The following PCDHGA8 variants were observed in gnomAD, a reference collection of about 807,000 sequenced individuals.
The protein encoded by PCDHGA8 is protocadherin gamma-A8.
In PCDHGA8, 45 loss-of-function variants were observed where a neutral mutation model predicts 59.2. That is an observed-to-expected ratio of 0.76 (90% CI 0.60 to 0.98). The LOEUF (loss-of-function observed/expected upper bound fraction) is 0.98. Among genes scored for constraint, PCDHGA8 ranks in the 50% least tolerant of loss-of-function variants. The pLI, the probability that PCDHGA8 is intolerant of heterozygous loss-of-function variation, is 0.00. For synonymous variants in PCDHGA8, 531 were observed against 519.0 expected, an observed-to-expected ratio of 1.02 and a Z score of -0.32; for missense variants, 1,257 against 1,196.2, an observed-to-expected ratio of 1.05 and a Z score of -0.75.
intron 1 of PCDHGA8, among the ~76,000 whole-genome samples, chr5:141,464,885 G>T (rs1592925315): frequency 6.6e-6 from 1 of 152,020 alleles, no homozygotes; most frequent in East Asian, 1.9e-4. Flanking sequence ...ACTACAGATG[G>T]ATGCCACCAT....
intron 1 of PCDHGA8, chr5:141,418,939 C>G: frequency 6.2e-7 from 1 of 1,613,760 alleles, no homozygotes; most frequent in Non-Finnish European, 8.5e-7. Context: ...TGGAGGATTC[C>G]CCTCCAGGAG....
At chr5:141,427,883 C>T (rs2097084423) in intron 1 of PCDHGA8, 2 of 1,563,700 alleles carry the variant, frequency 1.3e-6, no homozygotes, top group African/African-American at 1.3e-5. Context: ...TGCAGGCCCA[C>T]GACCAGGGCT....
rs759346998 is a variant in PCDHGA8 at position 141,410,849 on chromosome 5, C to CTTTTTTTTTTTTT, written c.2424+15622_2424+15634dup. 1.9e-3 allele frequency: 267 copies of CTTTTTTTTTTTTT among 138,158 alleles called. 27 individuals carry two copies. The highest frequency in any genetic ancestry group is 5.5e-3 in the African/African-American group (91 of 16,622). 8.6% of individuals were successfully genotyped at this position (138,158 alleles called of 1,614,324 possible). A position where few individuals can be genotyped will look rare whatever the true frequency, so the allele number is the denominator to read the frequency against. ...CAGACTGAAGATATTTTGTCTTTGT[C>CTTTTTTTTTTTTT]TTTTTTTTTTTTTTTTTTTTTTGAG... On this transcript the variant is annotated intron_variant, in intron 1 of 3. Coordinates refer to ENST00000398604, the MANE Select transcript of PCDHGA8 (RefSeq NM_032088.2).
chr5:141,478,049 A>G, intron 1 of PCDHGA8: 2 of 1,614,056 alleles, frequency 1.2e-6, no homozygotes, highest in Middle Eastern at 3.3e-4. Flanking sequence ...GCAGACTCTC[A>G]CGGTCTTGAT....
At chr5:141,420,725 C>T (rs1468308275) in intron 1 of PCDHGA8, among the ~76,000 whole-genome samples, 1 of 152,188 alleles carries the variant, frequency 6.6e-6, no homozygotes, top group African/African-American at 2.4e-5. Flanking sequence ...TCCTTTCAGT[C>T]GGTTAAAATC....
At position 141,408,901 on chromosome 5, in the gene PCDHGA8, G is replaced by A. The variant is rs529239605; in HGVS notation, c.2424+13664G>A. On this transcript the variant is annotated intron_variant, in intron 1 of 3. Transcript: ENST00000398604. ...CCGCTCACATAGAAATTTCTGTCAA[G>A]GATACCAATGATAACCCCCCGGTTT... 269 of 1,613,216 alleles carry A rather than the reference G, an allele frequency of 1.7e-4. 6 individuals carry two copies. The South Asian group carries it at 2.8e-3, about 17-fold the overall frequency.
intron 1 of PCDHGA8, among the ~76,000 whole-genome samples, chr5:141,448,007 AC>A (rs1430481139): frequency 1.3e-5 from 2 of 151,784 alleles, no homozygotes; most frequent in Non-Finnish European, 2.9e-5. Context: ...AATCGCTTGA[AC>A]CCAGGAGGTG....
intron 3 of PCDHGA8, among the ~76,000 whole-genome samples, chr5:141,509,574 G>T (rs554778751): frequency 6.6e-6 from 1 of 152,300 alleles, no homozygotes; most frequent in South Asian, 2.1e-4. Context: ...TTCACAGTGC[G>T]TACAAATCAG....
At chr5:141,433,995 C>G (rs995723859) in intron 1 of PCDHGA8, among the ~76,000 whole-genome samples, 1 of 152,028 alleles carries the variant, frequency 6.6e-6, no homozygotes, top group Non-Finnish European at 1.5e-5. Context: ...GTTTTATATT[C>G]TCTATATATG....
At chr5:141,469,893 A>G (rs2099214569) in intron 1 of PCDHGA8, among the ~76,000 whole-genome samples, 1 of 152,200 alleles carries the variant, frequency 6.6e-6, no homozygotes, top group South Asian at 2.1e-4. Context: ...CACTTTGGGA[A>G]GCCGAGGCAG....
In PCDHGA8 at chr5:141,394,435, C is replaced by T; in HGVS notation, c.1622C>T (p.Pro541Leu). The change falls in exon 1 of 4, where the codon CCC (proline) becomes CTC (leucine). Residue 541 changes from proline (P) to leucine (L), a missense_variant. Coordinates refer to ENST00000398604, the MANE Select transcript of PCDHGA8 (RefSeq NM_032088.2). ...LVTASDSGDP[P>L]LSSNMSLSLF... ...ACAGCCAGCGACAGCGGGGACCCGC[C>T]CCTCAGCAGCAACATGTCACTGAGC... 6.2e-7 allele frequency: 1 copy of T among 1,614,246 alleles called. No homozygotes were observed. Among genetic ancestry groups the T allele is most frequent in the Non-Finnish European group, 8.5e-7 (1 of 1,180,052 alleles).
Position 141,493,022 on chromosome 5 carries a change from G to T in PCDHGA8, c.2425-1785G>T, listed in dbSNP as rs1184742888. ...GCTATAGGCTCTGCCAGATGCCAGG[G>T]TGCCCTTATGTGTGAGGAAACTACA... On this transcript the variant is annotated intron_variant, in intron 1 of 3. Transcript: ENST00000398604. The surrounding 1 kb of genome is among the most constrained non-coding windows in gnomAD (Gnocchi z 4.3). Among the ~76,000 whole-genome samples the T allele has an allele frequency of 1.3e-5, 2 of 152,222 alleles. No individual in the cohort carries two copies. Among genetic ancestry groups the T allele is most frequent in the Admixed American group, 1.3e-4 (2 of 15,282 alleles).
chr5:141,393,475 C>G lies in PCDHGA8; in HGVS notation c.662C>G (p.Pro221Arg), dbSNP rs200282311. The G allele has an allele frequency of 1.2e-3, 1,881 of 1,614,046 alleles. 9 individuals are homozygous for G. Among genetic ancestry groups the G allele is most frequent in the South Asian group, 3.4e-3 (312 of 91,088 alleles). Residue 221 changes from proline to arginine, a missense_variant, in exon 1 of 4, where the codon CCT (proline) becomes CGT (arginine). Coordinates refer to ENST00000398604, the MANE Select transcript of PCDHGA8 (RefSeq NM_032088.2). ...ACGGCCTCGGATGGCGGCAAGCCGC[C>G]TCGCTCTAGCACAGTGCGCATCCAC... is the stretch of plus-strand genomic sequence containing the variant. Reference protein sequence around the residue: ...VLTASDGGKPPRSSTVRIHVT... With the variant: ...VLTASDGGKPRRSSTVRIHVT...
At chr5:141,420,412 T>A in intron 1 of PCDHGA8, 1 of 1,225,004 alleles carries the variant, frequency 8.2e-7, no homozygotes, top group Non-Finnish European at 1.1e-6. Flanking sequence ...TGGTTATCAT[T>A]ATTAAAACAA....
chr5:141,417,111 G>A (rs1014827063), intron 1 of PCDHGA8: 13 of 152,012 alleles, frequency 8.6e-5, no homozygotes, highest in African/African-American at 2.7e-4. Context: ...AAGCAATACA[G>A]GACACCCTGG....
At chr5:141,430,808 G>A in intron 1 of PCDHGA8, 1 of 1,526,682 alleles carries the variant, frequency 6.6e-7, no homozygotes, top group East Asian at 2.3e-5. Flanking sequence ...TGTCCTGCTG[G>A]GAATCCTCCT....
intron 1 of PCDHGA8, chr5:141,479,660 A>G (rs1206947602): frequency 6.6e-6 from 1 of 152,266 alleles, no homozygotes; most frequent in African/African-American, 2.4e-5. Flanking sequence ...ACAATCCCAG[A>G]AACTACAAAA....
intron 1 of PCDHGA8, chr5:141,410,156 C>T: frequency 6.2e-7 from 1 of 1,613,514 alleles, no homozygotes; most frequent in Non-Finnish European, 8.5e-7. Context: ...CGGTGGACAG[C>T]CGCCACTCTC....
At chr5:141,408,202 G>C (rs778320550) in intron 1 of PCDHGA8, 8 of 1,549,950 alleles carry the variant, frequency 5.2e-6, no homozygotes, top group South Asian at 3.6e-5. Context: ...CCGAGCGAAC[G>C]ATGGGAGGGA....
Sources: gnomAD v4.1 joint callset for allele counts (sites outside exome capture counted in the v4.1 genomes callset) on GRCh38, gnomAD v4.1.1 for gene constraint, Gnocchi (gnomAD v3.1) non-coding constraint, MANE v1.5 for transcripts, NCBI Gene and HGNC (gene_info 2026-07-23, HGNC 2026-07-21) for gene names.